RICTOR: variants seen among roughly 807,000 people sequenced by gnomAD.
RICTOR encodes the protein RPTOR independent companion of MTOR complex 2.
RICTOR carries 49 observed loss-of-function variants against 214.9 expected under a neutral mutation model. The observed-to-expected ratio is 0.23, with a 90% confidence interval of 0.18 to 0.29. The LOEUF (loss-of-function observed/expected upper bound fraction) is 0.29, where lower values mean the gene tolerates loss of function less well. Among genes scored for constraint, RICTOR ranks in the 10% least tolerant of loss-of-function variants. The probability of loss-of-function intolerance (pLI) is 1.00; values close to 1 mark genes in which losing one functional copy is unlikely to be tolerated. For missense variants in RICTOR, 1,625 were observed against 2,047.0 expected (o/e 0.79, Z 3.98); for synonymous variants, 717 against 711.3 (o/e 1.01, Z -0.13).
Position 38,982,035 on chromosome 5 carries a change from T to C in RICTOR, c.585A>G (p.Ala195=), listed in dbSNP as rs1261244738. Residue 195 remains alanine (A), a splice_region_variant and synonymous_variant, in exon 8 of 38, where the codon GCA becomes GCG. Coordinates refer to ENST00000357387, the MANE Select transcript of RICTOR (RefSeq NM_152756.5). ...RACIAIICEL[A]LQNPEVVALR... ...GGGCCACCACCTCTGGATTCTGAAG[T>C]GCTAAAAGAGAAAAACTTAACATAT... The C allele has an allele frequency of 6.2e-7, 1 of 1,603,770 alleles. No individual in the cohort carries two copies. Among genetic ancestry groups the C allele is most frequent in the Non-Finnish European group, 8.5e-7 (1 of 1,172,738 alleles).
Position 38,959,192 on chromosome 5 carries a change from C to T in RICTOR, c.2178+3G>A. On this transcript the variant is annotated splice_donor_region_variant and intron_variant, in intron 22 of 37. Coordinates refer to ENST00000357387, the MANE Select transcript of RICTOR (RefSeq NM_152756.5). ...ATAGTTTTACTGGCTATGTTATACT[C>T]ACATCAGTAGCTGCAGTTAAAATTT... The T allele has an allele frequency of 1.3e-6, 2 of 1,584,034 alleles. No individual in the cohort carries two copies. The highest frequency in any genetic ancestry group is 1.2e-5 in the South Asian group (1 of 84,126).
chr5:39,026,457 C>T (rs1337542143), intron 2 of RICTOR, among the ~76,000 whole-genome samples: 2 of 152,184 alleles, frequency 1.3e-5, no homozygotes, highest in East Asian at 3.9e-4. Context: ...ACTAGAATTA[C>T]AGTGGCTCTT....
At chr5:38,963,650 G>A (rs1330698619) in intron 16 of RICTOR, among the ~76,000 whole-genome samples, 1 of 151,850 alleles carries the variant, frequency 6.6e-6, no homozygotes, top group Non-Finnish European at 1.5e-5. Flanking sequence ...GTGCTGACTG[G>A]CAAGTATTTA....
intron 9 of RICTOR, among the ~76,000 whole-genome samples, 190 bp downstream of exon 9, chr5:38,978,393 T>G (rs888095770): frequency 6.6e-6 from 1 of 152,180 alleles, no homozygotes; most frequent in African/African-American, 2.4e-5. Context: ...GAAATTAATC[T>G]TTAAATTTCT....
intron 2 of RICTOR, among the ~76,000 whole-genome samples, chr5:39,072,661 T>C (rs1461107209): frequency 6.6e-6 from 1 of 152,244 alleles, no homozygotes; most frequent in Non-Finnish European, 1.5e-5. Flanking sequence ...TTTTCACATG[T>C]GTGTTATAGT....
intron 7 of RICTOR, among the ~76,000 whole-genome samples, chr5:38,990,693 G>T (rs1359937483): frequency 2.2e-5 from 2 of 89,002 alleles, no homozygotes; most frequent in Non-Finnish European, 4.3e-5. Context: ...TCATATATAT[G>T]ATATATATCA....
Position 38,940,134 on chromosome 5 carries a change from A to C in RICTOR, c.*2170T>G, listed in dbSNP as rs542573598. On this transcript the variant is annotated 3_prime_UTR_variant, in exon 38 of 38. Coordinates refer to ENST00000357387, the MANE Select transcript of RICTOR (RefSeq NM_152756.5). ...ACATATTTTTCAAAGTAACAGTAAA[A>C]AAAAAAAACAAAAAAAAAAACACAA... The C allele has an allele frequency of 2.5e-4, 52 of 205,454 alleles. No individual in the cohort carries two copies. The Middle Eastern group carries it at 5.7e-3, about 22-fold the overall frequency. The allele number at this position is 205,454 out of a possible 1,614,324, so 12.7% of individuals were successfully genotyped here.
At chr5:38,958,854 TAAA>T (rs111518093) in intron 22 of RICTOR, 23 bp from the exon 23 acceptor site, 3 of 1,248,358 alleles carry the variant, frequency 2.4e-6, no homozygotes, top group Non-Finnish European at 3.2e-6. Flanking sequence ...ATGAATACAT[TAAA>T]AAAAAAAAAA....
chr5:39,026,550 C>T (rs367969023), intron 2 of RICTOR, among the ~76,000 whole-genome samples: 1 of 152,058 alleles, frequency 6.6e-6, no homozygotes, highest in East Asian at 1.9e-4. Context: ...GCAGCAATTC[C>T]AAATATCCAG....
At chr5:39,018,408 C>T (rs1755133708) in intron 3 of RICTOR, among the ~76,000 whole-genome samples, 1 of 152,104 alleles carries the variant, frequency 6.6e-6, no homozygotes, top group Admixed American at 6.5e-5. Context: ...TTTTATTGAG[C>T]TTCACAGATA....
chr5:39,008,150 G>A (rs1458132769), intron 3 of RICTOR, among the ~76,000 whole-genome samples: 1 of 151,714 alleles, frequency 6.6e-6, no homozygotes. Context: ...ATGGGGAAAA[G>A]ATTCTGTAAG....
At chr5:38,967,301 CTAATAA>C (rs1561471030) in intron 13 of RICTOR, 30 bp downstream of exon 13, 7 of 1,596,998 alleles carry the variant, frequency 4.4e-6, no homozygotes, top group Middle Eastern at 3.3e-4. Flanking sequence ...AACCCGAATT[CTAATAA>C]ATTGAAACCC....
chr5:38,981,662 C>A, intron 8 of RICTOR: 1 of 416,502 alleles, frequency 2.4e-6, no homozygotes, highest in South Asian at 5.7e-5. Context: ...AAAATTTACA[C>A]ATTGATGAAA....
chr5:38,966,981 A>C (rs1721366539), intron 14 of RICTOR, 180 bp downstream of exon 14: 1 of 658,390 alleles, frequency 1.5e-6, no homozygotes, highest in African/African-American at 1.8e-5. Flanking sequence ...TTGTATTTTT[A>C]GTTGAGACAC....
At chr5:39,052,544 G>A (rs980943612) in intron 2 of RICTOR, among the ~76,000 whole-genome samples, 3 of 152,100 alleles carry the variant, frequency 2.0e-5, no homozygotes, top group Non-Finnish European at 4.4e-5. Context: ...GTATCACAAA[G>A]GTAAACTGTA....
chr5:39,070,970 C>G (rs1759279709), intron 2 of RICTOR, among the ~76,000 whole-genome samples: 1 of 152,208 alleles, frequency 6.6e-6, no homozygotes, highest in East Asian at 1.9e-4. Context: ...AATACGCTGA[C>G]TGTAAAGTCT....
intron 10 of RICTOR, among the ~76,000 whole-genome samples, chr5:38,973,833 G>T (rs1325421470): frequency 6.6e-6 from 1 of 152,114 alleles, no homozygotes; most frequent in Non-Finnish European, 1.5e-5. Flanking sequence ...TGTTCTAAAA[G>T]ATCATTTTTC....
chr5:39,023,756 C>T (rs1018835768), intron 2 of RICTOR, among the ~76,000 whole-genome samples: 3 of 152,290 alleles, frequency 2.0e-5, no homozygotes, highest in Non-Finnish European at 2.9e-5. Context: ...ATTTAGCTTG[C>T]GTCTGCCTAC....
rs116649932 is a variant in RICTOR, at chr5:38,951,972, A to G, written c.3127+224T>C. 3.8e-3 allele frequency among the ~76,000 whole-genome samples: 585 copies of G among 152,116 alleles called. 3 individuals carry two copies. The highest frequency in any genetic ancestry group is 0.014 in the African/African-American group (561 of 41,548). On this transcript the variant is annotated intron_variant, in intron 30 of 37. Coordinates refer to ENST00000357387, the MANE Select transcript of RICTOR (RefSeq NM_152756.5). ...CACATGGCTTATTACATAACTTTGT[A>G]GGAATCCTCAAAAGCTACTTAGAAT...
Sources: gnomAD v4.1 joint callset for allele counts (sites outside exome capture counted in the v4.1 genomes callset) on GRCh38, gnomAD v4.1.1 for gene constraint, MANE v1.5 for transcripts, NCBI Gene and HGNC (gene_info 2026-07-23, HGNC 2026-07-21) for gene names.